HVCN1: variants seen among roughly 807,000 people sequenced by gnomAD.
The protein encoded by HVCN1 is voltage-gated hydrogen channel 1.
In HVCN1, 14 loss-of-function variants were observed where a neutral mutation model predicts 29.2. That is an observed-to-expected ratio of 0.48 (90% CI 0.32 to 0.75). HVCN1 has a LOEUF of 0.75. Ranked by LOEUF, HVCN1 falls within the 30% of genes least tolerant of loss-of-function variation. HVCN1 has a pLI of 0.04. For missense variants in HVCN1, 263 were observed against 341.8 expected, an observed-to-expected ratio of 0.77 and a Z score of 1.82; for synonymous variants, 131 against 133.2, an observed-to-expected ratio of 0.98 and a Z score of 0.11.
At chr12:110,665,235 C>T (rs1200721377) in intron 3 of HVCN1, among the ~76,000 whole-genome samples, 1 of 148,194 alleles carries the variant, frequency 6.7e-6, no homozygotes, top group Non-Finnish European at 1.5e-5. Flanking sequence ...AAAATGTGGC[C>T]CACAACTAAT....
At chr12:110,664,359 G>A (rs989490495) in intron 3 of HVCN1, among the ~76,000 whole-genome samples, 6 of 152,162 alleles carry the variant, frequency 3.9e-5, no homozygotes, top group African/African-American at 7.2e-5. Context: ...AATGTTGACT[G>A]TAAAAGAAAG....
At chr12:110,698,840 AC>A (rs2069531844) in intron 2 of HVCN1, among the ~76,000 whole-genome samples, 2 of 152,294 alleles carry the variant, frequency 1.3e-5, no homozygotes, top group South Asian at 4.1e-4. Flanking sequence ...TCAAGAACAC[AC>A]AGCCAGCCGG....
Position 110,662,188 on chromosome 12 carries a change from C to A in HVCN1, c.22-740G>T, listed in dbSNP as rs148504051. ...GAGATGGGGTGGCCGTCCAGACTCA[C>A]GGGAAAGAAAGGCTGGAGAGGCTGG... On this transcript the variant is annotated intron_variant, in intron 3 of 7. Coordinates refer to ENST00000242607, the MANE Select transcript of HVCN1 (RefSeq NM_032369.4). Among the ~76,000 whole-genome samples the A allele has an allele frequency of 6.0e-3, 919 of 152,090 alleles. 9 individuals carry two copies. Among genetic ancestry groups the A allele is most frequent in the African/African-American group, 0.021 (860 of 41,454 alleles).
At chr12:110,684,863 C>T (rs914314378) in intron 2 of HVCN1, among the ~76,000 whole-genome samples, 1 of 152,192 alleles carries the variant, frequency 6.6e-6, no homozygotes, top group African/African-American at 2.4e-5. Flanking sequence ...ACCCTCTGAC[C>T]AGTTTCCTAC....
At chr12:110,673,316 G>T (rs111316007) in intron 3 of HVCN1, among the ~76,000 whole-genome samples, 14 of 152,192 alleles carry the variant, frequency 9.2e-5, no homozygotes, top group African/African-American at 3.4e-4. Context: ...ATGATTTAGG[G>T]TATCTGGCAG....
At chr12:110,697,975 A>G (rs963617761) in intron 2 of HVCN1, among the ~76,000 whole-genome samples, 2 of 152,068 alleles carry the variant, frequency 1.3e-5, no homozygotes, top group Non-Finnish European at 2.9e-5. Context: ...TCCATTTCAC[A>G]GCTAAGGCTG....
chr12:110,704,890 T>C (rs914418073), exon 1 of HVCN1: 1 of 152,240 alleles, frequency 6.6e-6, no homozygotes, highest in African/African-American at 2.4e-5. Flanking sequence ...TTGGCCCCGA[T>C]GCAGTGGGCA....
intron 3 of HVCN1, among the ~76,000 whole-genome samples, chr12:110,669,969 A>T (rs1414024693): frequency 1.3e-5 from 2 of 152,184 alleles, no homozygotes; most frequent in Non-Finnish European, 2.9e-5. Context: ...GGCTGCAGTG[A>T]GCCAAGATTG....
Position 110,676,009 on chromosome 12 carries a change from T to C in HVCN1, c.21+7216A>G, listed in dbSNP as rs373626843. 9.2e-5 allele frequency among the ~76,000 whole-genome samples: 14 copies of C among 152,300 alleles called. No homozygotes were observed. In the East Asian group the frequency reaches 2.7e-3, roughly 29 times the overall value. On this transcript the variant is annotated intron_variant, in intron 3 of 7. Transcript: ENST00000242607. The surrounding 1 kb of genome is among the most constrained non-coding windows in gnomAD (Gnocchi z 4.1). Reference sequence around the variant, plus strand: ...GAGGAGCAAACTGAAGACTGCAACATGGTAACCACCACCTGTCAGTGGACA... The same window carrying C: ...GAGGAGCAAACTGAAGACTGCAACACGGTAACCACCACCTGTCAGTGGACA...
At chr12:110,678,453 T>C (rs1170969856) in intron 3 of HVCN1, among the ~76,000 whole-genome samples, 18 of 129,492 alleles carry the variant, frequency 1.4e-4, no homozygotes, top group Non-Finnish European at 2.6e-4. Flanking sequence ...TTTTTTTTTT[T>C]TTTTTTTTTT....
intron 2 of HVCN1, among the ~76,000 whole-genome samples, chr12:110,685,026 C>T (rs1290962288): frequency 6.6e-6 from 1 of 152,124 alleles, no homozygotes; most frequent in African/African-American, 2.4e-5. Context: ...ATAATGCTCC[C>T]CTTCAAAGAT....
intron 4 of HVCN1, among the ~76,000 whole-genome samples, chr12:110,660,170 A>G (rs1593455026): frequency 6.6e-6 from 1 of 152,090 alleles, no homozygotes; most frequent in East Asian, 1.9e-4. Context: ...TGAGGTCAGG[A>G]GTTCAAGACC....
At chr12:110,675,390 C>A (rs949905828) in intron 3 of HVCN1, among the ~76,000 whole-genome samples, 1 of 152,022 alleles carries the variant, frequency 6.6e-6, no homozygotes. Flanking sequence ...ACCTGGGAGG[C>A]GGAGGTTGCA....
rs531985803 is a variant in HVCN1 at position 110,651,532 on chromosome 12, A to C, written c.412-84T>G. ...CCTCACATGCACCTGCCTGGTCACCAGCAAGAGAATTCCTCTGGTGGACAA... is the reference window on the plus strand; with the variant it reads ...CCTCACATGCACCTGCCTGGTCACCCGCAAGAGAATTCCTCTGGTGGACAA... On this transcript the variant is annotated intron_variant, in intron 5 of 7. Coordinates refer to ENST00000242607, the MANE Select transcript of HVCN1 (RefSeq NM_032369.4). 236 of 853,282 alleles carry C rather than the reference A, an allele frequency of 2.8e-4. 4 individuals carry two copies. In the Admixed American group the frequency reaches 4.5e-3, roughly 16 times the overall value. 52.9% of individuals were successfully genotyped at this position (853,282 alleles called of 1,614,324 possible).
rs1390633305 is a variant in HVCN1, at chr12:110,658,058, G to A, written c.307-2720C>T. Among the ~76,000 whole-genome samples, 1 of 152,158 alleles carries A rather than the reference G, an allele frequency of 6.6e-6. No individual in the cohort carries two copies. Among genetic ancestry groups the A allele is most frequent in the African/African-American group, 2.4e-5 (1 of 41,430 alleles). ...TATGAAGGGCGCTTAGCACACGGCT[G>A]GCCTGCGGTGCATGGGAATGAAAGT... is the stretch of plus-strand genomic sequence containing the variant. On this transcript the variant is annotated intron_variant, in intron 4 of 7. Coordinates refer to ENST00000242607, the MANE Select transcript of HVCN1 (RefSeq NM_032369.4). The surrounding 1 kb of genome is among the most constrained non-coding windows in gnomAD (Gnocchi z 5.0).
At chr12:110,656,645 C>A (rs959315934) in intron 4 of HVCN1, among the ~76,000 whole-genome samples, 2 of 152,208 alleles carry the variant, frequency 1.3e-5, no homozygotes, top group Non-Finnish European at 2.9e-5. Context: ...TGAAAATTAA[C>A]CTGCCATTAT....
intron 3 of HVCN1, among the ~76,000 whole-genome samples, chr12:110,668,992 G>A (rs934587588): frequency 1.3e-5 from 2 of 151,522 alleles, no homozygotes; most frequent in African/African-American, 2.4e-5. Context: ...TCCTTGGGCC[G>A]GTGACTCTCT....
upstream of HVCN1, among the ~76,000 whole-genome samples, chr12:110,691,342 C>T (rs753901318): frequency 4.6e-5 from 7 of 152,204 alleles, no homozygotes; most frequent in Non-Finnish European, 8.8e-5. Flanking sequence ...GGATTACAGG[C>T]GTGAGCCACC....
chr12:110,670,236 C>T (rs1027912604), intron 3 of HVCN1, among the ~76,000 whole-genome samples: 33 of 152,166 alleles, frequency 2.2e-4, no homozygotes, highest in Admixed American at 7.9e-4. Context: ...GCTCAGAAGC[C>T]GCCATCTGTG....
Sources: gnomAD v4.1 joint callset for allele counts (sites outside exome capture counted in the v4.1 genomes callset) on GRCh38, gnomAD v4.1.1 for gene constraint, Gnocchi (gnomAD v3.1) non-coding constraint, MANE v1.5 for transcripts, NCBI Gene and HGNC (gene_info 2026-07-23, HGNC 2026-07-21) for gene names.